Variants in E4F1 observed in about 807,000 individuals in gnomAD.
The protein encoded by E4F1 is transcription factor E4F1.
A neutral mutation model predicts 72.9 loss-of-function variants in E4F1; 30 were observed. The observed-to-expected ratio is 0.41, with a 90% CI of 0.31 to 0.56. The LOEUF is 0.56. Ranked by LOEUF, E4F1 falls within the 20% of genes least tolerant of loss-of-function variation. The pLI is 0.25. For missense variants in E4F1, 1,091 were observed against 1,117.5 expected (o/e 0.98, Z 0.34); for synonymous variants, 542 against 478.2 (o/e 1.13, Z -1.74).
rs761154900 is a variant in E4F1, at chr16:2,223,593, C to T, written c.-21C>T. On this transcript the variant is annotated 5_prime_UTR_variant, in exon 1 of 14. Coordinates refer to ENST00000301727, the MANE Select transcript of E4F1 (RefSeq NM_004424.5). Reference sequence around the variant, plus strand: ...GACGACATGGTCGTAAATCCGCCATCTTCCTGCGGCGCGTTGCGACATGGA... The same window carrying T: ...GACGACATGGTCGTAAATCCGCCATTTTCCTGCGGCGCGTTGCGACATGGA... 3 of 1,580,996 alleles carry T rather than the reference C, an allele frequency of 1.9e-6. No homozygotes were observed. Among genetic ancestry groups the T allele is most frequent in the African/African-American group, 2.8e-5 (2 of 71,256 alleles).
At chr16:2,227,394 C>T (rs773661970) in intron 1 of E4F1, among the ~76,000 whole-genome samples, 4 of 151,488 alleles carry the variant, frequency 2.6e-5, no homozygotes, top group South Asian at 2.1e-4. Flanking sequence ...TTTTTTGAAA[C>T]GGAGTCTCGC....
At position 2,232,908 on chromosome 16, in the gene E4F1, G is replaced by C. The variant is rs370872113; in HGVS notation, c.883G>C (p.Gly295Arg). ...TGTCAGCAAAGAGGACGCACGTGCA[G>C]GTCAGCATGGTGCGGGCAGCTGCCT... is the stretch of plus-strand genomic sequence containing the variant. Reference protein sequence around the residue: ...VVVSKEDARAGSGAGAAGLGT... With the variant: ...VVVSKEDARARSGAGAAGLGT... The change falls in exon 6 of 14, where the codon GGT (glycine) becomes CGT (arginine). Residue 295 changes from glycine (G) to arginine (R), a missense_variant and splice_region_variant. By Grantham distance (125) the Gly-to-Arg change is moderately radical. Around this residue, in one of 5 missense-constraint regions of E4F1, gnomAD observed 101 missense variants for 97.4 expected, o/e 1.04. Coordinates refer to ENST00000301727, the MANE Select transcript of E4F1 (RefSeq NM_004424.5). 35 of 1,613,294 alleles carry C rather than the reference G, an allele frequency of 2.2e-5. No homozygotes were observed. The Admixed American group carries it at 4.7e-4, about 22-fold the overall frequency.
intron 5 of E4F1, 35 bp from the exon 6 acceptor site, chr16:2,232,721 G>A: frequency 6.2e-7 from 1 of 1,611,168 alleles, no homozygotes; most frequent in Non-Finnish European, 8.5e-7. Flanking sequence ...CCAGCCTGCT[G>A]GGGCTGCCCG....
chr16:2,231,858 A>T, intron 3 of E4F1: 1 of 353,002 alleles, frequency 2.8e-6, no homozygotes, highest in South Asian at 3.7e-5. Flanking sequence ...TGTCACCAGG[A>T]TTCGCACGTC....
intron 1 of E4F1, among the ~76,000 whole-genome samples, chr16:2,227,025 G>C (rs1054895985): frequency 6.6e-6 from 1 of 152,168 alleles, no homozygotes; most frequent in East Asian, 1.9e-4. Flanking sequence ...AACTCCCGCA[G>C]TTTTTGTTTG....
In E4F1 at chr16:2,223,690, G is replaced by A; in HGVS notation, c.77G>A (p.Gly26Asp). ...CAGGCCGAAGCCGGGCGGGAAGCGG[G>A]CGAGGGTGCAGTTGCGGCGGTGGCG... is the stretch of plus-strand genomic sequence containing the variant. The part of the protein sequence containing the change: ...EAQAEAGREA[G>D]EGAVAAVAAA... Residue 26 changes from glycine to aspartate, a missense_variant, in exon 1 of 14, where the codon GGC becomes GAC. Physicochemically the swap from Gly to Asp is moderately conservative, Grantham distance 94. Transcript: ENST00000301727. 2 of 1,577,130 alleles carry A rather than the reference G, an allele frequency of 1.3e-6. No homozygotes were observed. Among genetic ancestry groups the A allele is most frequent in the Non-Finnish European group, 1.7e-6 (2 of 1,170,062 alleles).
In E4F1 at chr16:2,223,782, G is replaced by A; in HGVS notation, c.157+12G>A. On this transcript the variant is annotated intron_variant, in intron 1 of 13. Transcript: ENST00000301727. Reference sequence around the variant, plus strand: ...CTTCAGCGAGGAAGGTAACCGGGCCGACCCGGAGGGTGCGGCCGGGGTGCG... The same window carrying A: ...CTTCAGCGAGGAAGGTAACCGGGCCAACCCGGAGGGTGCGGCCGGGGTGCG... 1.9e-6 allele frequency: 3 copies of A among 1,539,700 alleles called. No homozygotes were observed. Among genetic ancestry groups the A allele is most frequent in the South Asian group, 1.2e-5 (1 of 84,142 alleles).
intron 1 of E4F1, among the ~76,000 whole-genome samples, chr16:2,227,770 G>C (rs2093440879): frequency 6.6e-6 from 1 of 152,034 alleles, no homozygotes; most frequent in Admixed American, 6.6e-5. Context: ...CAAAGTGTTG[G>C]GATTACAGGT....
At position 2,228,412 on chromosome 16, in the gene E4F1, G is replaced by A. The variant is rs191847193; in HGVS notation, c.198G>A (p.Glu66=). 1.0e-4 allele frequency: 169 copies of A among 1,613,844 alleles called. 1 individual carries two copies. In the East Asian group the frequency reaches 3.3e-3, roughly 32 times the overall value. Residue 66 remains glutamate, a synonymous_variant, in exon 2 of 14, where the codon GAG becomes GAA. Transcript: ENST00000301727. ...ACAGATGCGGCCGCTGCCAGGCAGA[G>A]TTCACCGCCTTGGAGGATTTTGTTC... ...DVHRCGRCQA[E]FTALEDFVQH...
chr16:2,235,094 A>T lies in E4F1; in HGVS notation c.1949A>T (p.Asp650Val). Residue 650 changes from aspartate to valine, a missense_variant, in exon 13 of 14, where the codon GAT becomes GTT. Asp to Val is a radical substitution (Grantham distance 152). This residue lies in a region of E4F1 where 622 missense variants were observed against 628.0 expected (regional missense o/e 0.99). Coordinates refer to ENST00000301727, the MANE Select transcript of E4F1 (RefSeq NM_004424.5). Reference protein sequence around the residue: ...QEYIIEATADDAETSEATEII... With the variant: ...QEYIIEATADVAETSEATEII... ...CCATCTGCCCAGGCCACTGCGGACG[A>T]TGCGGAGACCAGTGAGGCCACGGAG... 1 of 1,612,244 alleles carries T rather than the reference A, an allele frequency of 6.2e-7. No homozygotes were observed.
At position 2,223,735 on chromosome 16, in the gene E4F1, G is replaced by A; in HGVS notation, c.122G>A (p.Gly41Asp). The change falls in exon 1 of 14, where the codon GGC (glycine) becomes GAC (aspartate). Residue 41 changes from glycine to aspartate, a missense_variant. By Grantham distance (94) the Gly-to-Asp change is moderately conservative. Coordinates refer to ENST00000301727, the MANE Select transcript of E4F1 (RefSeq NM_004424.5). ...GTGGCGGCGGCCTTGGCCCCCAGCG[G>A]CTTCCTCGGCCTCCCGGCGCCCTTC... ...AAVAAALAPSGFLGLPAPFSE... is the reference protein window; with the variant it reads ...AAVAAALAPSDFLGLPAPFSE... The A allele has an allele frequency of 6.5e-7, 1 of 1,539,280 alleles. No homozygotes were observed. The highest frequency in any genetic ancestry group is 2.0e-5 in the Admixed American group (1 of 50,872).
chr16:2,232,936 T>C, intron 6 of E4F1, 28 bp downstream of exon 6: 9 of 1,612,840 alleles, frequency 5.6e-6, no homozygotes, highest in Non-Finnish European at 7.6e-6. Context: ...AGCTGCCTGG[T>C]CCTGGGGGCT....
rs375194455 is a variant in E4F1, at chr16:2,232,833, C to T, written c.808C>T (p.Leu270Phe). The T allele has an allele frequency of 1.4e-5, 23 of 1,613,402 alleles. No homozygotes were observed. The highest frequency in any genetic ancestry group is 1.9e-5 in the Non-Finnish European group (23 of 1,180,032). ...SGALTRHLKS[L>F]TPCTEKIRFS... ...TGCACTGACCCGGCACCTCAAGTCT[C>T]TCACCCCCTGCACAGAGAAAATCCG... Residue 270 changes from leucine to phenylalanine, a missense_variant, in exon 6 of 14, where the codon CTC (leucine) becomes TTC (phenylalanine). Leu to Phe is a conservative substitution (Grantham distance 22). Transcript: ENST00000301727.
intron 3 of E4F1, chr16:2,231,934 C>T (rs2093469929): frequency 1.8e-6 from 1 of 561,608 alleles, no homozygotes; most frequent in Non-Finnish European, 3.2e-6. Flanking sequence ...CATTTAGGGG[C>T]CCTGGAGCAT....
intron 1 of E4F1, 157 bp from the exon 2 acceptor site, chr16:2,228,213 GTT>G (rs2093443519): frequency 2.0e-6 from 2 of 983,290 alleles, no homozygotes; most frequent in Non-Finnish European, 3.1e-6. Context: ...GGATGACCTT[GTT>G]TTGGGCCCGA....
intron 1 of E4F1, 102 bp from the exon 2 acceptor site, chr16:2,228,270 C>T (rs2093443982): frequency 1.3e-6 from 2 of 1,494,818 alleles, no homozygotes; most frequent in South Asian, 2.4e-5. Flanking sequence ...TTCTGATGGC[C>T]TCCTGGGGGA....
intron 1 of E4F1, among the ~76,000 whole-genome samples, chr16:2,226,483 C>T (rs190273343): frequency 1.3e-5 from 2 of 152,324 alleles, no homozygotes; most frequent in Non-Finnish European, 2.9e-5. Flanking sequence ...CCCCTGCAGG[C>T]GAGTCATAGC....
At position 2,229,668 on chromosome 16, in the gene E4F1, C is replaced by G. The variant is rs762568774; in HGVS notation, c.408C>G (p.Asp136Glu). 3 of 1,612,952 alleles carry G rather than the reference C, an allele frequency of 1.9e-6. No homozygotes were observed. The South Asian group carries it at 3.3e-5, about 18-fold the overall frequency. Residue 136 changes from aspartate (D) to glutamate (E), a missense_variant, in exon 3 of 14, where the codon GAC becomes GAG. This residue lies in a region of E4F1 where 362 missense variants were observed against 358.6 expected (regional missense o/e 1.01). Coordinates refer to ENST00000301727, the MANE Select transcript of E4F1 (RefSeq NM_004424.5). ...CAGCAGACATCAGCCACGCATCTGA[C>G]CTTGTTGGTAAGCCGACTTCCATGA... ...SLAADISHAS[D>E]LVGGGHIKEV...
intron 3 of E4F1, chr16:2,231,877 T>G (rs2141460558): frequency 2.6e-6 from 1 of 388,716 alleles, no homozygotes; most frequent in Non-Finnish European, 4.7e-6. Context: ...TCCTCCTGGC[T>G]TTGGGGATGG....
Sources: allele counts gnomAD v4.1 joint callset (sites outside exome capture counted in the v4.1 genomes callset), GRCh38; gene constraint gnomAD v4.1.1; regional missense constraint gnomAD v4.1.1; transcripts MANE v1.5; gene names NCBI Gene and HGNC (gene_info 2026-07-23, HGNC 2026-07-21).